Variants in DLGAP2 observed in about 807,000 individuals in gnomAD.
DLGAP2 encodes DLG associated protein 2.
DLGAP2 carries 26 observed loss-of-function variants against 100.3 expected under a neutral mutation model. That is an observed-to-expected ratio of 0.26 (90% CI 0.19 to 0.36). DLGAP2 has a LOEUF of 0.36. Among genes scored for constraint, DLGAP2 ranks in the 10% least tolerant of loss-of-function variants. DLGAP2 has a pLI of 1.00. For missense variants in DLGAP2, 1,858 were observed against 1,453.2 expected, an observed-to-expected ratio of 1.28 and a Z score of -4.53; for synonymous variants, 886 against 630.1, an observed-to-expected ratio of 1.41 and a Z score of -6.08.
At chr8:1,262,561 A>T (rs916657668) in intron 3 of DLGAP2, 2 of 152,184 alleles carry the variant, frequency 1.3e-5, no homozygotes, top group African/African-American at 4.8e-5. Flanking sequence ...TGATAATAAT[A>T]ATAAATTTAC....
chr8:1,273,770 CTTG>C (rs941276903), intron 3 of DLGAP2, among the ~76,000 whole-genome samples: 61 of 152,354 alleles, frequency 4.0e-4, no homozygotes, highest in African/African-American at 1.4e-3. Flanking sequence ...TTAAGATAAA[CTTG>C]TTGTAGAATT....
At chr8:1,649,899 C>T (rs1379461170) in intron 8 of DLGAP2, among the ~76,000 whole-genome samples, 1 of 152,002 alleles carries the variant, frequency 6.6e-6, no homozygotes, top group East Asian at 1.9e-4. Context: ...AATGATGGAT[C>T]ATATCAAATG....
intron 3 of DLGAP2, among the ~76,000 whole-genome samples, chr8:1,323,270 TCCAC>T (rs780446749): frequency 1.3e-5 from 2 of 152,218 alleles, no homozygotes; most frequent in Admixed American, 6.5e-5. Flanking sequence ...GGTCAGGCAA[TCCAC>T]CCGCCTCAGC....
intron 3 of DLGAP2, among the ~76,000 whole-genome samples, chr8:1,267,088 C>T (rs1323128577): frequency 3.3e-5 from 5 of 151,744 alleles, no homozygotes; most frequent in African/African-American, 7.2e-5. Flanking sequence ...CAAAATTAGC[C>T]AGGCGTGGGG....
intron 8 of DLGAP2, among the ~76,000 whole-genome samples, chr8:1,659,716 T>C (rs1798366510): frequency 6.6e-6 from 1 of 152,238 alleles, no homozygotes; most frequent in Non-Finnish European, 1.5e-5. Context: ...TCCATCCCTT[T>C]ACTTTGAGCC....
intron 2 of DLGAP2, among the ~76,000 whole-genome samples, chr8:1,256,583 G>T (rs907129666): frequency 2.6e-5 from 4 of 151,560 alleles, no homozygotes; most frequent in African/African-American, 9.7e-5. Flanking sequence ...CTGTGCGTGT[G>T]TACTCTCCTG....
intron 1 of DLGAP2, among the ~76,000 whole-genome samples, chr8:832,522 T>C (rs186937597): frequency 6.6e-6 from 1 of 152,350 alleles, no homozygotes; most frequent in Admixed American, 6.5e-5. Flanking sequence ...CTGCGTCTGA[T>C]TGGTGAATCC....
intron 3 of DLGAP2, among the ~76,000 whole-genome samples, chr8:1,285,780 G>C (rs547785605): frequency 1.1e-4 from 17 of 152,232 alleles, no homozygotes; most frequent in African/African-American, 3.9e-4. Context: ...ACCAGGCTGG[G>C]CAACATAGCT....
intron 3 of DLGAP2, among the ~76,000 whole-genome samples, chr8:1,483,817 CAG>C (rs1799171410): frequency 6.6e-6 from 1 of 152,194 alleles, no homozygotes; most frequent in East Asian, 1.9e-4. Flanking sequence ...CCACAGACCA[CAG>C]GGCTTTTGTA....
At chr8:1,241,956 C>G (rs1359757195) in intron 2 of DLGAP2, among the ~76,000 whole-genome samples, 1 of 152,172 alleles carries the variant, frequency 6.6e-6, no homozygotes. Flanking sequence ...ATCACTGCCT[C>G]TACTGAAACA....
At chr8:1,075,554 C>T (rs1803579326) in intron 2 of DLGAP2, among the ~76,000 whole-genome samples, 1 of 152,114 alleles carries the variant, frequency 6.6e-6, no homozygotes, top group Admixed American at 6.5e-5. Context: ...GCTTAAGTAC[C>T]AAAAGCTCTG....
chr8:1,267,287 C>G (rs980958291), intron 3 of DLGAP2, among the ~76,000 whole-genome samples: 6 of 143,122 alleles, frequency 4.2e-5, no homozygotes, highest in African/African-American at 1.5e-4. Context: ...ATAAAAAGGT[C>G]TGGGTGCAGT....
intron 7 of DLGAP2, among the ~76,000 whole-genome samples, chr8:1,632,271 C>T (rs540955094): frequency 5.3e-5 from 8 of 152,244 alleles, no homozygotes; most frequent in African/African-American, 1.7e-4. Flanking sequence ...TATATGCTGC[C>T]GTAATGGGGA....
intron 2 of DLGAP2, among the ~76,000 whole-genome samples, chr8:930,628 C>G: frequency 6.6e-6 from 1 of 152,282 alleles, no homozygotes; most frequent in Non-Finnish European, 1.5e-5. Context: ...CTGGGCTTGC[C>G]GCCACGTTGG....
intron 4 of DLGAP2, among the ~76,000 whole-genome samples, chr8:1,530,016 C>T (rs916112402): frequency 7.9e-5 from 12 of 152,302 alleles, no homozygotes; most frequent in Non-Finnish European, 1.6e-4. Flanking sequence ...GATCACAGGA[C>T]CACAGGACGG....
intron 3 of DLGAP2, among the ~76,000 whole-genome samples, chr8:1,374,525 C>G (rs1483910066): frequency 1.3e-5 from 2 of 152,174 alleles, no homozygotes; most frequent in Non-Finnish European, 2.9e-5. Context: ...ATTTACTTAA[C>G]AAAGGGCATT....
In DLGAP2 at chr8:1,548,951, C is replaced by T. The variant is rs1427920754; in HGVS notation, c.498C>T (p.Tyr166=). The part of the protein sequence containing the change: ...VSSSTFPRMH[Y]SSHYDTRDDC... ...GCAGCACCTTCCCGCGGATGCACTA[C>T]AGCTCGCACTACGACACGCGCGACG... is the stretch of plus-strand genomic sequence containing the variant. Residue 166 remains tyrosine, a synonymous_variant, in exon 5 of 15, where the codon TAC becomes TAT. Transcript: ENST00000637795. 4 of 1,599,004 alleles carry T rather than the reference C, an allele frequency of 2.5e-6. No homozygotes were observed. Among genetic ancestry groups the T allele is most frequent in the South Asian group, 1.1e-5 (1 of 91,006 alleles).
At chr8:1,214,144 C>G (rs186625028) in intron 2 of DLGAP2, among the ~76,000 whole-genome samples, 1 of 152,312 alleles carries the variant, frequency 6.6e-6, no homozygotes, top group Admixed American at 6.5e-5. Context: ...GCCCCCTTCC[C>G]TCCACACCTC....
At position 929,698 on chromosome 8, in the gene DLGAP2, A is replaced by G. The variant is rs73174594; in HGVS notation, c.73+21732A>G. On this transcript the variant is annotated intron_variant, in intron 2 of 14. Transcript: ENST00000637795. ...CACACACCCCATTCCCCCTCTAAAC[A>G]TCCCACACCGCGGTACTCAAGCAGT... 7.9e-3 allele frequency among the ~76,000 whole-genome samples: 960 copies of G among 121,528 alleles called. 3 individuals carry two copies. The highest frequency in any genetic ancestry group is 0.015 in the Middle Eastern group (4 of 266). 79.7% of individuals were successfully genotyped at this position (121,528 alleles called of 152,430 possible).
Sources: gnomAD v4.1 joint callset for allele counts (sites outside exome capture counted in the v4.1 genomes callset) on GRCh38, gnomAD v4.1.1 for gene constraint, MANE v1.5 for transcripts, NCBI Gene and HGNC (gene_info 2026-07-23, HGNC 2026-07-21) for gene names.